The following MGST1 variants were observed in gnomAD, a reference collection of about 807,000 sequenced individuals.
MGST1 encodes glutathione S-transferase 12.
In MGST1, 5 loss-of-function variants were observed where a neutral mutation model predicts 8.9. The observed-to-expected ratio is 0.56, with a 90% CI of 0.29 to 1.19. The LOEUF (loss-of-function observed/expected upper bound fraction) is 1.19, where lower values mean the gene tolerates loss of function less well. Among genes scored for constraint, MGST1 ranks in the 50% most tolerant of loss-of-function variants. The pLI is 0.08. For missense variants in MGST1, 182 were observed against 187.4 expected (o/e 0.97, Z 0.17); for synonymous variants, 54 against 67.8 (o/e 0.80, Z 1.00).
chr12:16,402,069 A>G, intron 1 of MGST1: 1 of 1,567,994 alleles, frequency 6.4e-7, no homozygotes, highest in Non-Finnish European at 8.8e-7. Context: ...CATTTTGTCA[A>G]AGCTATTCTT....
chr12:16,499,468 G>A (rs553201492), intron 4 of MGST1, among the ~76,000 whole-genome samples: 53 of 152,132 alleles, frequency 3.5e-4, no homozygotes, highest in African/African-American at 1.1e-3. Flanking sequence ...CCTGTTTTTT[G>A]TAGAACTATG....
intron 1 of MGST1, among the ~76,000 whole-genome samples, chr12:16,425,136 A>G (rs1278901397): frequency 6.6e-6 from 1 of 152,154 alleles, no homozygotes; most frequent in African/African-American, 2.4e-5. Context: ...ACTTACAGCA[A>G]TTATGGTCTT....
downstream of MGST1, among the ~76,000 whole-genome samples, chr12:16,590,711 C>T (rs1163152101): frequency 1.3e-5 from 2 of 152,024 alleles, no homozygotes; most frequent in African/African-American, 2.4e-5. Flanking sequence ...TCAATATAGG[C>T]ATTTCCTTGA....
chr12:16,520,867 A>G (rs1179228055), intron 4 of MGST1, among the ~76,000 whole-genome samples: 1 of 152,224 alleles, frequency 6.6e-6, no homozygotes, highest in South Asian at 2.1e-4. Flanking sequence ...GGGGTACCCA[A>G]TAAAACTTCT....
Position 16,503,947 on chromosome 12 carries a change from T to G in MGST1, n.483-85581T>G, listed in dbSNP as rs993553345. Among the ~76,000 whole-genome samples, 6 of 152,214 alleles carry G rather than the reference T, an allele frequency of 3.9e-5. No individual in the cohort carries two copies. The highest frequency in any genetic ancestry group is 8.8e-5 in the Non-Finnish European group (6 of 68,026). Reference sequence around the variant, plus strand: ...CAAGGCACAGTACCTCCGGTGCTGCTGTATGCTGCTGCCCTATGCTGCTGC... The same window carrying G: ...CAAGGCACAGTACCTCCGGTGCTGCGGTATGCTGCTGCCCTATGCTGCTGC... On this transcript the variant is annotated intron_variant and non_coding_transcript_variant, in intron 4 of 4. Coordinates refer to the MGST1 transcript ENST00000538857. This position sits in a 1 kb window ranked among gnomAD's most constrained non-coding sequence, Gnocchi z 4.8.
rs948929758 is a variant in MGST1, at chr12:16,458,304, C to T, written n.482+74700C>T. On this transcript the variant is annotated intron_variant and non_coding_transcript_variant, in intron 4 of 4. Coordinates refer to the MGST1 transcript ENST00000538857. The surrounding 1 kb of genome is among the most constrained non-coding windows in gnomAD (Gnocchi z 4.0). Reference sequence around the variant, plus strand: ...GAGCTTGGCTGGGGTCAGCAGATTGCTTATGCTGATCGCAATGATTTGAAG... The same window carrying T: ...GAGCTTGGCTGGGGTCAGCAGATTGTTTATGCTGATCGCAATGATTTGAAG... 6.6e-6 allele frequency among the ~76,000 whole-genome samples: 1 copy of T among 152,098 alleles called. No individual in the cohort carries two copies. Among genetic ancestry groups the T allele is most frequent in the Non-Finnish European group, 1.5e-5 (1 of 67,976 alleles).
Position 16,347,712 on chromosome 12 carries a change from T to A in MGST1, c.-23+2T>A, listed in dbSNP as rs1939263430. The A allele has an allele frequency of 6.6e-6, 1 of 151,876 alleles. No individual in the cohort carries two copies. The highest frequency in any genetic ancestry group is 2.4e-5 in the African/African-American group (1 of 41,184). The allele number at this position is 151,876 out of a possible 1,614,324, so 9.4% of individuals were successfully genotyped here. A position where few individuals can be genotyped will look rare whatever the true frequency, so the allele number is the denominator to read the frequency against. On this transcript the variant is annotated splice_donor_variant, in intron 1 of 3. Coordinates refer to ENST00000396210, the MANE Select transcript of MGST1 (RefSeq NM_020300.5). LOFTEE classifies it low-confidence loss of function (5UTR_SPLICE). This position sits in a 1 kb window ranked among gnomAD's most constrained non-coding sequence, Gnocchi z 4.0. ...TGCTTCCTCCTCCTCGGCCTCACCGTGCGTACTGGGAGGGGAGAAGGGGAC... is the reference window on the plus strand; with the variant it reads ...TGCTTCCTCCTCCTCGGCCTCACCGAGCGTACTGGGAGGGGAGAAGGGGAC...
At chr12:16,540,623 G>A (rs1941787293) in intron 4 of MGST1, among the ~76,000 whole-genome samples, 2 of 152,180 alleles carry the variant, frequency 1.3e-5, no homozygotes, top group South Asian at 4.1e-4. Context: ...TTAGAAGGTT[G>A]TTATAAAATA....
chr12:16,393,157 A>G (rs1488702661), intron 1 of MGST1, among the ~76,000 whole-genome samples: 8 of 152,234 alleles, frequency 5.3e-5, no homozygotes. Flanking sequence ...ACACATTGCC[A>G]GAGCCCCTGC....
At chr12:16,469,029 A>G (rs1941273837) in intron 4 of MGST1, among the ~76,000 whole-genome samples, 1 of 152,182 alleles carries the variant, frequency 6.6e-6, no homozygotes, top group African/African-American at 2.4e-5. Flanking sequence ...AAAATTATTT[A>G]TGTGTTTGAA....
intron 4 of MGST1, among the ~76,000 whole-genome samples, chr12:16,562,809 C>T (rs1219002254): frequency 6.6e-6 from 1 of 152,204 alleles, no homozygotes; most frequent in African/African-American, 2.4e-5. Context: ...TAAACAAAGT[C>T]CTTGGAATGG....
At chr12:16,387,873 T>TTTGC (rs761636415) in intron 1 of MGST1, among the ~76,000 whole-genome samples, 194 of 152,110 alleles carry the variant, frequency 1.3e-3, no homozygotes, top group Non-Finnish European at 2.5e-3. Flanking sequence ...GATACACAAA[T>TTTGC]ACTTACCATT....
intron 2 of MGST1, 136 bp from the exon 3 acceptor site, chr12:16,357,469 A>G (rs547256926): frequency 1.4e-5 from 9 of 655,850 alleles, no homozygotes; most frequent in African/African-American, 5.6e-5. Flanking sequence ...GGTACTCCCT[A>G]TGTTGCCCAG....
intron 1 of MGST1, chr12:16,400,088 A>G: frequency 6.4e-7 from 1 of 1,574,556 alleles, no homozygotes; most frequent in Admixed American, 1.7e-5. Flanking sequence ...ATGAAATTCT[A>G]AAAGGCTGTT....
chr12:16,535,790 C>G (rs945459974), intron 4 of MGST1, among the ~76,000 whole-genome samples: 2 of 152,078 alleles, frequency 1.3e-5, no homozygotes, highest in African/African-American at 2.4e-5. Context: ...CAGAAGAAAG[C>G]CTCCAAGATT....
intron 3 of MGST1, among the ~76,000 whole-genome samples, chr12:16,374,535 CATTTTAAACTAT>C (rs1940350099): frequency 6.6e-6 from 1 of 151,912 alleles, no homozygotes; most frequent in Admixed American, 6.6e-5. Flanking sequence ...TACTGATTAG[CATTTTAAACTAT>C]ATTTTAAAAT....
chr12:16,468,756 A>G (rs1941271682), intron 4 of MGST1, among the ~76,000 whole-genome samples: 1 of 152,194 alleles, frequency 6.6e-6, no homozygotes, highest in African/African-American at 2.4e-5. Flanking sequence ...GTCCCCTAGT[A>G]TTTATTCACC....
intron 4 of MGST1, among the ~76,000 whole-genome samples, chr12:16,499,556 G>A (rs1200614399): frequency 6.6e-6 from 1 of 151,990 alleles, no homozygotes; most frequent in African/African-American, 2.4e-5. Flanking sequence ...TCTCATTTCA[G>A]TGGGTGCCAT....
chr12:16,402,514 C>T, intron 1 of MGST1: 1 of 1,089,824 alleles, frequency 9.2e-7, no homozygotes, highest in Non-Finnish European at 1.4e-6. Flanking sequence ...CACTCTTATT[C>T]TTGGTTAGAT....
Sources: gnomAD v4.1 joint callset for allele counts (sites outside exome capture counted in the v4.1 genomes callset) on GRCh38, gnomAD v4.1.1 for gene constraint, Gnocchi (gnomAD v3.1) non-coding constraint, MANE v1.5 for transcripts, NCBI Gene and HGNC (gene_info 2026-07-23, HGNC 2026-07-21) for gene names.